The following SNX6 variants were observed in gnomAD, a reference collection of about 807,000 sequenced individuals.
SNX6 encodes sorting nexin-6.
Under a neutral mutation model 63.0 loss-of-function variants are expected in SNX6, and 34 were observed. The ratio of observed to expected loss-of-function variants is 0.54; its 90% CI spans 0.41 to 0.72. The LOEUF (loss-of-function observed/expected upper bound fraction) is 0.72, where lower values mean the gene tolerates loss of function less well. Ranked by LOEUF, SNX6 falls within the 30% of genes least tolerant of loss-of-function variation. The probability of loss-of-function intolerance (pLI) is 0.00; values close to 1 mark genes in which losing one functional copy is unlikely to be tolerated. For missense variants in SNX6, 398 were observed against 471.4 expected, an observed-to-expected ratio of 0.84 and a Z score of 1.44; for synonymous variants, 170 against 164.2, an observed-to-expected ratio of 1.04 and a Z score of -0.27.
chr14:34,614,109 C>CACAAAA (rs572466933), intron 2 of SNX6, among the ~76,000 whole-genome samples: 3 of 150,438 alleles, frequency 2.0e-5, no homozygotes, highest in Admixed American at 6.6e-5. Context: ...TCCATCTCAA[C>CACAAAA]ACAAAAACAA....
At chr14:34,567,132 A>G (rs749260716) in intron 13 of SNX6, among the ~76,000 whole-genome samples, 15 of 151,392 alleles carry the variant, frequency 9.9e-5, no homozygotes, top group African/African-American at 1.7e-4. Context: ...GCTGAGGCAG[A>G]AGAGTTGCTT....
chr14:34,568,616 A>C, intron 11 of SNX6: 1 of 660,428 alleles, frequency 1.5e-6, no homozygotes, highest in Non-Finnish European at 2.7e-6. Flanking sequence ...TACAAGCGTG[A>C]GCCACTGCAC....
intron 8 of SNX6, among the ~76,000 whole-genome samples, chr14:34,588,157 G>A (rs1044510990): frequency 4.6e-5 from 7 of 151,818 alleles, no homozygotes; most frequent in African/African-American, 7.3e-5. Context: ...ACAGGCGCCC[G>A]CCACCACGCC....
intron 13 of SNX6, among the ~76,000 whole-genome samples, chr14:34,565,555 C>T (rs1881139885): frequency 6.6e-6 from 1 of 152,168 alleles, no homozygotes; most frequent in South Asian, 2.1e-4. Context: ...CTCACTCTGT[C>T]GCCCAAGCTG....
intron 10 of SNX6, among the ~76,000 whole-genome samples, chr14:34,576,596 G>C (rs1412802264): frequency 6.6e-6 from 1 of 151,530 alleles, no homozygotes; most frequent in East Asian, 2.0e-4. Flanking sequence ...TTACAGGCAT[G>C]CACTGCCACG....
intron 6 of SNX6, among the ~76,000 whole-genome samples, chr14:34,601,954 A>G (rs1009295616): frequency 6.6e-6 from 1 of 152,154 alleles, no homozygotes; most frequent in African/African-American, 2.4e-5. Context: ...GTTCTACTGA[A>G]ATAACTGCAT....
chr14:34,611,809 C>T (rs557581271), intron 2 of SNX6, among the ~76,000 whole-genome samples: 5 of 150,390 alleles, frequency 3.3e-5, no homozygotes, highest in African/African-American at 7.3e-5. Flanking sequence ...GACTGAGTCT[C>T]GCTCTGTCAC....
At chr14:34,582,130 A>ATTTT (rs1289997311) in intron 9 of SNX6, among the ~76,000 whole-genome samples, 4 of 115,404 alleles carry the variant, frequency 3.5e-5, no homozygotes, top group African/African-American at 6.6e-5. Context: ...CCCGGCCCTG[A>ATTTT]TTTTTTTTTT....
intron 2 of SNX6, among the ~76,000 whole-genome samples, chr14:34,627,104 C>T (rs1378153467): frequency 1.3e-5 from 2 of 152,070 alleles, no homozygotes; most frequent in Non-Finnish European, 2.9e-5. Flanking sequence ...CTCAGCCTCT[C>T]AAATAGCTAG....
chr14:34,629,764 C>A, intron 2 of SNX6, 143 bp downstream of exon 2: 1 of 1,302,934 alleles, frequency 7.7e-7, no homozygotes, highest in Non-Finnish European at 1.1e-6. Flanking sequence ...GAGGGTGGGG[C>A]GCGGTGCAGC....
At chr14:34,618,679 C>T (rs1163129019) in intron 2 of SNX6, among the ~76,000 whole-genome samples, 1 of 151,996 alleles carries the variant, frequency 6.6e-6, no homozygotes, top group Admixed American at 6.6e-5. Context: ...AACATGCTGC[C>T]GTCTCAGGGA....
chr14:34,609,548 A>G, intron 3 of SNX6, 90 bp downstream of exon 3: 1 of 601,406 alleles, frequency 1.7e-6, no homozygotes, highest in Non-Finnish European at 2.8e-6. Flanking sequence ...GTTTCTTTCC[A>G]ATTATGTTTA....
intron 2 of SNX6, among the ~76,000 whole-genome samples, chr14:34,628,932 A>C (rs966052055): frequency 2.7e-5 from 4 of 148,840 alleles, no homozygotes; most frequent in African/African-American, 7.3e-5. Context: ...CCAAGGAAAA[A>C]GGGGGTGGAG....
chr14:34,611,252 G>C (rs1294258853), intron 2 of SNX6, among the ~76,000 whole-genome samples: 1 of 151,184 alleles, frequency 6.6e-6, no homozygotes, highest in Non-Finnish European at 1.5e-5. Flanking sequence ...CTTGGCATTC[G>C]AATTGCTTGA....
intron 2 of SNX6, among the ~76,000 whole-genome samples, chr14:34,620,302 C>A (rs1746321803): frequency 6.6e-6 from 1 of 152,276 alleles, no homozygotes; most frequent in East Asian, 1.9e-4. Flanking sequence ...GGCCCACCAA[C>A]ACATCTTTTT....
intron 2 of SNX6, among the ~76,000 whole-genome samples, chr14:34,611,505 C>T (rs373942053): frequency 2.7e-5 from 4 of 150,856 alleles, no homozygotes; most frequent in South Asian, 2.1e-4. Flanking sequence ...GGGGGGAGGC[C>T]GGGTGTGGTG....
At chr14:34,617,659 C>T (rs975647390) in intron 2 of SNX6, among the ~76,000 whole-genome samples, 7 of 149,844 alleles carry the variant, frequency 4.7e-5, no homozygotes, top group African/African-American at 1.2e-4. Flanking sequence ...CGGTGGCTCA[C>T]GCCTGTAATC....
intron 3 of SNX6, 52 bp downstream of exon 3, chr14:34,609,586 T>G: frequency 9.2e-7 from 1 of 1,085,588 alleles, no homozygotes; most frequent in Non-Finnish European, 1.4e-6. Context: ...ACATATCACA[T>G]ATGTAGTATA....
chr14:34,576,898 A>G (rs1444149450), intron 10 of SNX6, among the ~76,000 whole-genome samples: 2 of 147,178 alleles, frequency 1.4e-5, no homozygotes, highest in East Asian at 2.4e-4. Context: ...CCTGACCAAC[A>G]TGGTGAAACC....
Sources: gnomAD v4.1 joint callset for allele counts (sites outside exome capture counted in the v4.1 genomes callset) on GRCh38, gnomAD v4.1.1 for gene constraint, MANE v1.5 for transcripts, NCBI Gene and HGNC (gene_info 2026-07-23, HGNC 2026-07-21) for gene names.